ALOX5: variants seen among roughly 807,000 people sequenced by gnomAD.
ALOX5 encodes arachidonate 5-lipoxygenase.
ALOX5 carries 64 observed loss-of-function variants against 87.9 expected under a neutral mutation model. That is an observed-to-expected ratio of 0.73 (90% CI 0.60 to 0.90). ALOX5 has a LOEUF of 0.90. ALOX5 is among the 40% of genes least tolerant of loss of function. The pLI is 0.00. For missense variants in ALOX5, 822 were observed against 907.5 expected (o/e 0.91, Z 1.21); for synonymous variants, 388 against 355.1 (o/e 1.09, Z -1.04).
chr10:45,443,594 C>T (rs1842321867), intron 11 of ALOX5, 57 bp downstream of exon 11: 2 of 1,596,898 alleles, frequency 1.3e-6, no homozygotes, highest in Non-Finnish European at 8.5e-7. Context: ...AGCGCTGGCC[C>T]CTCCGCCACC....
rs138383251 is a variant in ALOX5 at position 45,395,584 on chromosome 10, A to G, written c.350-271A>G. ...ACAAACCTGCACGTTGTGCACATGT[A>G]TCCTAGAACTTAAAGTAGAATTAAA... On this transcript the variant is annotated intron_variant, in intron 2 of 13. Transcript: ENST00000374391. 2.1e-3 allele frequency among the ~76,000 whole-genome samples: 311 copies of G among 149,240 alleles called. 1 individual carries two copies. The highest frequency in any genetic ancestry group is 7.1e-3 in the African/African-American group (284 of 40,052).
At chr10:45,419,533 T>A (rs1460194750) in intron 4 of ALOX5, among the ~76,000 whole-genome samples, 1 of 152,146 alleles carries the variant, frequency 6.6e-6, no homozygotes, top group Non-Finnish European at 1.5e-5. Context: ...GCCAGCCACA[T>A]GCCCCGTGCT....
chr10:45,424,653 C>G (rs966060962), intron 5 of ALOX5, among the ~76,000 whole-genome samples: 2 of 152,210 alleles, frequency 1.3e-5, no homozygotes, highest in Non-Finnish European at 2.9e-5. Flanking sequence ...CCAAACTTGG[C>G]AAACTGCCCC....
Position 45,443,781 on chromosome 10 carries a change from G to C in ALOX5, c.1627G>C (p.Val543Leu), listed in dbSNP as rs764673527. Residue 543 changes from valine to leucine, a missense_variant, in exon 12 of 14, where the codon GTG (valine) becomes CTG (leucine). Val to Leu is a conservative substitution (Grantham distance 32). Coordinates refer to ENST00000374391, the MANE Select transcript of ALOX5 (RefSeq NM_000698.5). ...REQLSEYLTV[V>L]IFTASAQHAA... ...GCAGCTGTCGGAGTACCTGACCGTG[G>C]TGATCTTCACCGCCTCCGCCCAGCA... 9.9e-6 allele frequency: 16 copies of C among 1,612,280 alleles called. No homozygotes were observed. The highest frequency in any genetic ancestry group is 1.4e-5 in the Non-Finnish European group (16 of 1,179,382).
Position 45,382,612 on chromosome 10 carries a change from G to A in ALOX5, c.280G>A (p.Asp94Asn). ...CATCACGCTGAAGACGCCCCACGGGGACTACATCGAGTTCCCCTGCTACCG... is the reference window on the plus strand; with the variant it reads ...CATCACGCTGAAGACGCCCCACGGGAACTACATCGAGTTCCCCTGCTACCG... ...KYITLKTPHG[D>N]YIEFPCYRWI... The change falls in exon 2 of 14, where the codon GAC becomes AAC. Residue 94 changes from aspartate (D) to asparagine (N), a missense_variant. Asp to Asn is a conservative substitution (Grantham distance 23). Transcript: ENST00000374391. 1 of 1,614,136 alleles carries A rather than the reference G, an allele frequency of 6.2e-7. No individual in the cohort carries two copies. The highest frequency in any genetic ancestry group is 8.5e-7 in the Non-Finnish European group (1 of 1,180,036).
Position 45,374,343 on chromosome 10 carries a change from A to G in ALOX5, c.64A>G (p.Ile22Val), listed in dbSNP as rs375546109. 1.9e-4 allele frequency: 293 copies of G among 1,538,490 alleles called. No homozygotes were observed. Among genetic ancestry groups the G allele is most frequent in the Non-Finnish European group, 2.4e-4 (278 of 1,144,368 alleles). ...GTGGTTCGCCGGCACTGACGACTACATCTACCTCAGCCTCGTGGGCTCGGC... is the reference window on the plus strand; with the variant it reads ...GTGGTTCGCCGGCACTGACGACTACGTCTACCTCAGCCTCGTGGGCTCGGC... ...SQWFAGTDDY[I>V]YLSLVGSAGC... Residue 22 changes from isoleucine to valine, a missense_variant, in exon 1 of 14, where the codon ATC becomes GTC. Ile to Val is a conservative substitution (Grantham distance 29). Coordinates refer to ENST00000374391, the MANE Select transcript of ALOX5 (RefSeq NM_000698.5).
intron 7 of ALOX5, among the ~76,000 whole-genome samples, chr10:45,431,548 GTTATTTAT>G (rs34431757): frequency 0.015 from 2,193 of 148,544 alleles, 33 homozygotes; most frequent in African/African-American, 0.037. Flanking sequence ...AAACTATAAA[GTTATTTAT>G]TTATTTATTT....
intron 3 of ALOX5, among the ~76,000 whole-genome samples, chr10:45,397,006 GA>G (rs1319088998): frequency 2.0e-5 from 3 of 152,164 alleles, no homozygotes; most frequent in Non-Finnish European, 4.4e-5. Context: ...AAAGGCATTT[GA>G]CAAAATCCAA....
At chr10:45,406,529 C>T (rs1043463120) in intron 3 of ALOX5, among the ~76,000 whole-genome samples, 1 of 152,244 alleles carries the variant, frequency 6.6e-6, no homozygotes, top group Non-Finnish European at 1.5e-5. Context: ...CTTTCCACCT[C>T]TCTAGATCCT....
At position 45,441,443 on chromosome 10, in the gene ALOX5, C is replaced by CT; in HGVS notation, c.1272+14dup. 1 of 1,611,554 alleles carries CT rather than the reference C, an allele frequency of 6.2e-7. No individual in the cohort carries two copies. Among genetic ancestry groups the CT allele is most frequent in the South Asian group, 1.1e-5 (1 of 90,974 alleles). On this transcript the variant is annotated intron_variant, in intron 9 of 13. Transcript: ENST00000374391. Reference sequence around the variant, plus strand: ...CCTCTTTGACAAGGTGGGTGCCCTCCTACCCTACTTGTTGCCTGGAAGAGC... The same window carrying CT: ...CCTCTTTGACAAGGTGGGTGCCCTCCTTACCCTACTTGTTGCCTGGAAGAGC...
At chr10:45,401,691 G>A (rs1331186688) in intron 3 of ALOX5, among the ~76,000 whole-genome samples, 1 of 152,198 alleles carries the variant, frequency 6.6e-6, no homozygotes, top group East Asian at 1.9e-4. Flanking sequence ...TCTAATTTTT[G>A]TATTCTTATA....
rs1043588260 is a variant in ALOX5 at position 45,445,892 on chromosome 10, G to A, written c.*205G>A. 1 of 568,920 alleles carries A rather than the reference G, an allele frequency of 1.8e-6. No individual in the cohort carries two copies. Among genetic ancestry groups the A allele is most frequent in the African/African-American group, 1.9e-5 (1 of 53,526 alleles). 35.2% of individuals were successfully genotyped at this position (568,920 alleles called of 1,614,324 possible). A position where few individuals can be genotyped will look rare whatever the true frequency, so the allele number is the denominator to read the frequency against. On this transcript the variant is annotated 3_prime_UTR_variant, in exon 14 of 14. Coordinates refer to ENST00000374391, the MANE Select transcript of ALOX5 (RefSeq NM_000698.5). Reference sequence around the variant, plus strand: ...ATAGGGACCCATTCTACACAGAGCAGGACTGCACAGCGTCCTGTCCACACC... The same window carrying A: ...ATAGGGACCCATTCTACACAGAGCAAGACTGCACAGCGTCCTGTCCACACC...
At chr10:45,419,185 G>A (rs1841410641) in intron 4 of ALOX5, among the ~76,000 whole-genome samples, 1 of 152,262 alleles carries the variant, frequency 6.6e-6, no homozygotes, top group African/African-American at 2.4e-5. Flanking sequence ...GCCGCGCGGA[G>A]GCTGCCCTGG....
chr10:45,411,958 A>G (rs1304612650), intron 3 of ALOX5, among the ~76,000 whole-genome samples: 1 of 152,212 alleles, frequency 6.6e-6, no homozygotes, highest in Non-Finnish European at 1.5e-5. Context: ...CTATAAGCCC[A>G]GTCTCAGGGT....
intron 9 of ALOX5, 80 bp downstream of exon 9, chr10:45,441,510 C>T: frequency 1.4e-6 from 2 of 1,417,678 alleles, no homozygotes; most frequent in South Asian, 2.4e-5. Context: ...ATCTAGACAC[C>T]CTTTCAGGAG....
At chr10:45,435,385 G>C (rs12782256) in intron 7 of ALOX5, among the ~76,000 whole-genome samples, 21 of 152,030 alleles carry the variant, frequency 1.4e-4, no homozygotes, top group Non-Finnish European at 2.5e-4. Flanking sequence ...ACTGAGCATA[G>C]TACCCAATAC....
In ALOX5 at chr10:45,443,450, G is replaced by A. The variant is rs370640705; in HGVS notation, c.1486G>A (p.Gly496Ser). The A allele has an allele frequency of 1.3e-5, 21 of 1,611,362 alleles. No homozygotes were observed. The Admixed American group carries it at 1.3e-4, about 10-fold the overall frequency. ...CGAGGTGGTAGACATCTACTACGAG[G>A]GCGACCAGGTGGTGGAGGAGGACCC... ...TAEVVDIYYE[G>S]DQVVEEDPEL... Residue 496 changes from glycine to serine, a missense_variant, in exon 11 of 14, where the codon GGC becomes AGC. By Grantham distance (56) the Gly-to-Ser change is moderately conservative (BLOSUM62 0). Transcript: ENST00000374391.
chr10:45,382,905 T>C (rs1438363012), intron 2 of ALOX5, among the ~76,000 whole-genome samples: 1 of 152,262 alleles, frequency 6.6e-6, no homozygotes, highest in East Asian at 1.9e-4. Flanking sequence ...ACTGTCGTCA[T>C]GTCCTCACTC....
intron 2 of ALOX5, among the ~76,000 whole-genome samples, chr10:45,383,308 T>G (rs900445790): frequency 1.6e-4 from 24 of 152,258 alleles, no homozygotes. Context: ...GAGGCCATTC[T>G]TTGTTAGGGA....
Sources: allele counts gnomAD v4.1 joint callset (sites outside exome capture counted in the v4.1 genomes callset), GRCh38; gene constraint gnomAD v4.1.1; transcripts MANE v1.5; gene names NCBI Gene and HGNC (gene_info 2026-07-23, HGNC 2026-07-21).